The following RASA1 variants were observed in gnomAD, a reference collection of about 807,000 sequenced individuals.
RASA1 encodes ras GTPase-activating protein 1.
Under a neutral mutation model 132.2 loss-of-function variants are expected in RASA1, and 25 were observed. That is an observed-to-expected ratio of 0.19 (90% CI 0.14 to 0.26). RASA1 has a LOEUF of 0.26. Among genes scored for constraint, RASA1 ranks in the 10% least tolerant of loss-of-function variants. The pLI, the probability that RASA1 is intolerant of heterozygous loss-of-function variation, is 1.00. For missense variants in RASA1, 964 were observed against 1,299.2 expected, an observed-to-expected ratio of 0.74 and a Z score of 3.97; for synonymous variants, 477 against 449.9, an observed-to-expected ratio of 1.06 and a Z score of -0.76.
At chr5:87,304,783 A>G (rs1297743985) in intron 1 of RASA1, among the ~76,000 whole-genome samples, 4 of 152,006 alleles carry the variant, frequency 2.6e-5, no homozygotes, top group Non-Finnish European at 4.4e-5. Context: ...ACACATTTTA[A>G]TATTCATTAG....
chr5:87,362,903 TTTC>T (rs532546758), intron 10 of RASA1, among the ~76,000 whole-genome samples: 734 of 151,468 alleles, frequency 4.8e-3, no homozygotes, highest in Middle Eastern at 0.017. Flanking sequence ...TCTTTCTTTC[TTTC>T]TTTTTTTTTT....
chr5:87,334,116 T>C (rs1290541227), intron 4 of RASA1, among the ~76,000 whole-genome samples: 1 of 152,208 alleles, frequency 6.6e-6, no homozygotes, highest in Non-Finnish European at 1.5e-5. Flanking sequence ...TTACGGAGAA[T>C]AGGTTTACAC....
chr5:87,269,209 TAA>T lies in RASA1; in HGVS notation c.539+221_539+222del, dbSNP rs1166133451. 6 of 1,579,612 alleles carry T rather than the reference TAA, an allele frequency of 3.8e-6. 1 individual carries two copies. The highest frequency in any genetic ancestry group is 5.2e-6 in the Non-Finnish European group (6 of 1,164,352). On this transcript the variant is annotated intron_variant, in intron 1 of 24. Transcript: ENST00000274376. Reference sequence around the variant, plus strand: ...CATTTATTGCTCCTCTGGGAAAGTGTAAAGTCTTTAAGATGGAAAGCATGAGA... The same window carrying T: ...CATTTATTGCTCCTCTGGGAAAGTGTAGTCTTTAAGATGGAAAGCATGAGA...
chr5:87,357,254 T>C (rs1041482389), intron 9 of RASA1, among the ~76,000 whole-genome samples: 1 of 152,164 alleles, frequency 6.6e-6, no homozygotes, highest in East Asian at 1.9e-4. Context: ...ATATGTTTTA[T>C]ATATGTGTAT....
intron 14 of RASA1, 126 bp downstream of exon 14, chr5:87,374,446 T>C: frequency 3.7e-6 from 1 of 268,572 alleles, no homozygotes; most frequent in Non-Finnish European, 6.1e-6. Flanking sequence ...TAATAGCATA[T>C]ATATATATAT....
At chr5:87,351,672 G>A (rs1382358832) in intron 8 of RASA1, among the ~76,000 whole-genome samples, 1 of 151,592 alleles carries the variant, frequency 6.6e-6, no homozygotes, top group Non-Finnish European at 1.5e-5. Flanking sequence ...GAAAATTCTG[G>A]TTTATCTCCC....
Position 87,268,262 on chromosome 5 carries a change from G to A in RASA1, c.-190G>A, listed in dbSNP as rs952161646. 1.3e-5 allele frequency: 11 copies of A among 845,184 alleles called. No individual in the cohort carries two copies. The highest frequency in any genetic ancestry group is 1.9e-5 in the Non-Finnish European group (11 of 570,232). 52.4% of individuals were successfully genotyped at this position (845,184 alleles called of 1,614,324 possible). Reference sequence around the variant, plus strand: ...TGCCCACTTGGCTTCCCGTAACCCAGGCAGCTGGGGAGCCTGGGCTGTGGC... The same window carrying A: ...TGCCCACTTGGCTTCCCGTAACCCAAGCAGCTGGGGAGCCTGGGCTGTGGC... On this transcript the variant is annotated 5_prime_UTR_variant, in exon 1 of 25. Transcript: ENST00000274376.
rs1310776212 is a variant in RASA1 at position 87,332,486 on chromosome 5, T to C, written c.693-21T>C. 3.1e-6 allele frequency: 5 copies of C among 1,595,720 alleles called. 1 individual carries two copies. The Admixed American group carries it at 8.4e-5, about 27-fold the overall frequency. ...TGGCTGTAAAGATTTTTTTATACTG[T>C]ATTTTTTCCTGTTCAAATAGGATTA... On this transcript the variant is annotated intron_variant, in intron 2 of 24. Transcript: ENST00000274376.
chr5:87,336,247 AGTGAATATTTTCAAACATTT>A (rs1010216075), intron 4 of RASA1, among the ~76,000 whole-genome samples: 6 of 152,186 alleles, frequency 3.9e-5, no homozygotes, highest in Non-Finnish European at 5.9e-5. Flanking sequence ...TAAAGGAATT[AGTGAATATTTTCAAACATTT>A]GTTTTAAATT....
intron 1 of RASA1, among the ~76,000 whole-genome samples, chr5:87,284,057 T>G (rs1043089665): frequency 1.4e-4 from 22 of 152,202 alleles, no homozygotes; most frequent in Non-Finnish European, 1.5e-5. Flanking sequence ...TGACAGATTT[T>G]TAAATCTTCT....
chr5:87,305,472 A>C (rs1212699895), intron 1 of RASA1, among the ~76,000 whole-genome samples: 1 of 152,176 alleles, frequency 6.6e-6, no homozygotes, highest in Admixed American at 6.5e-5. Context: ...CTTTCCTTAC[A>C]CCATATGCAA....
chr5:87,380,905 T>TAC (rs1580396809), intron 20 of RASA1, among the ~76,000 whole-genome samples: 1 of 152,198 alleles, frequency 6.6e-6, no homozygotes, highest in Non-Finnish European at 1.5e-5. Flanking sequence ...TCTTCATACA[T>TAC]ACACACACAT....
chr5:87,268,963 T>C lies in RASA1; in HGVS notation c.512T>C (p.Ile171Thr). ...GAATACGAGGAGGAAGAGGTGGCCA[T>C]ACCGTTGACCGCTCCTCCAACTAAC... ...GPEYEEEEVAIPLTAPPTNQW... is the reference protein window; with the variant it reads ...GPEYEEEEVATPLTAPPTNQW... Residue 171 changes from isoleucine (I) to threonine (T), a missense_variant, in exon 1 of 25, where the codon ATA becomes ACA. By Grantham distance (89) the Ile-to-Thr change is moderately conservative. Transcript: ENST00000274376. 1 of 1,614,198 alleles carries C rather than the reference T, an allele frequency of 6.2e-7. No homozygotes were observed. The highest frequency in any genetic ancestry group is 8.5e-7 in the Non-Finnish European group (1 of 1,180,032).
intron 17 of RASA1, 29 bp downstream of exon 17, chr5:87,377,069 A>G: frequency 6.3e-7 from 1 of 1,599,276 alleles, no homozygotes; most frequent in Non-Finnish European, 8.6e-7. Context: ...AGTGTGATAC[A>G]AGAAACTGGG....
intron 1 of RASA1, chr5:87,269,218 T>C (rs965645136): frequency 6.4e-6 from 10 of 1,570,160 alleles, no homozygotes; most frequent in Non-Finnish European, 8.6e-6. Flanking sequence ...GTAAAGTCTT[T>C]AAGATGGAAA....
At chr5:87,304,147 C>G (rs1170663416) in intron 1 of RASA1, among the ~76,000 whole-genome samples, 3 of 152,020 alleles carry the variant, frequency 2.0e-5, no homozygotes, top group African/African-American at 7.2e-5. Flanking sequence ...TACTTCTTGT[C>G]TTAAAATCTA....
chr5:87,338,536 A>ATATTTTTTTTTTTTTTTTT, intron 5 of RASA1, among the ~76,000 whole-genome samples: 1 of 85,214 alleles, frequency 1.2e-5, no homozygotes, highest in African/African-American at 4.4e-5. Flanking sequence ...TATATATAAA[A>ATATTTTTTTTTTTTTTTTT]TTTTTTTTTT....
At chr5:87,389,947 A>G (rs960796338) in intron 24 of RASA1, among the ~76,000 whole-genome samples, 1 of 152,174 alleles carries the variant, frequency 6.6e-6, no homozygotes, top group Non-Finnish European at 1.5e-5. Flanking sequence ...ATGTTTGTCA[A>G]ATTTCACATC....
At position 87,366,248 on chromosome 5, in the gene RASA1, C is replaced by G. The variant is rs1352366491; in HGVS notation, c.1610+2744C>G. On this transcript the variant is annotated intron_variant, in intron 11 of 24. Coordinates refer to ENST00000274376, the MANE Select transcript of RASA1 (RefSeq NM_002890.3). ...AATGATTCACTAATGATACTTACAA[C>G]TGCAATTAGATGAATCTTAAGGAAG... is the stretch of plus-strand genomic sequence containing the variant. 5 of 234,338 alleles carry G rather than the reference C, an allele frequency of 2.1e-5. No homozygotes were observed. The East Asian group carries it at 3.7e-4, about 17-fold the overall frequency. The allele number at this position is 234,338 out of a possible 1,614,324, so 14.5% of individuals were successfully genotyped here.
Sources: gnomAD v4.1 joint callset for allele counts (sites outside exome capture counted in the v4.1 genomes callset) on GRCh38, gnomAD v4.1.1 for gene constraint, MANE v1.5 for transcripts, NCBI Gene and HGNC (gene_info 2026-07-23, HGNC 2026-07-21) for gene names.